The following CNTNAP4 variants were observed in gnomAD, a reference collection of about 807,000 sequenced individuals.
CNTNAP4 encodes the protein contactin associated protein family member 4, also known as contactin-associated protein-like 4.
A neutral mutation model predicts 148.4 loss-of-function variants in CNTNAP4; 98 were observed. The observed-to-expected ratio is 0.66, with a 90% CI of 0.56 to 0.78. The LOEUF is 0.78. Ranked by LOEUF, CNTNAP4 falls within the 30% of genes least tolerant of loss-of-function variation. The pLI is 0.00. For synonymous variants in CNTNAP4, 730 were observed against 565.1 expected, an observed-to-expected ratio of 1.29 and a Z score of -4.14; for missense variants, 1,935 against 1,565.6, an observed-to-expected ratio of 1.24 and a Z score of -3.98.
At chr16:76,402,025 A>G (rs1467636033) in intron 3 of CNTNAP4, among the ~76,000 whole-genome samples, 5 of 152,112 alleles carry the variant, frequency 3.3e-5, no homozygotes, top group African/African-American at 7.2e-5. Context: ...TATCTCTGCC[A>G]GGTTTTGGTA....
At chr16:76,418,365 G>T in intron 3 of CNTNAP4, among the ~76,000 whole-genome samples, 1 of 135,468 alleles carries the variant, frequency 7.4e-6, no homozygotes, top group South Asian at 2.3e-4. Flanking sequence ...GTCTATTACA[G>T]CTTGAGAAAT....
chr16:76,413,144 T>G (rs2144931644), intron 3 of CNTNAP4, among the ~76,000 whole-genome samples: 1 of 151,486 alleles, frequency 6.6e-6, no homozygotes, highest in East Asian at 1.9e-4. Flanking sequence ...CTTTAAAATG[T>G]ACAGTTATTA....
intron 1 of CNTNAP4, among the ~76,000 whole-genome samples, chr16:76,314,030 C>G (rs1054672477): frequency 1.3e-4 from 20 of 152,146 alleles, no homozygotes; most frequent in African/African-American, 4.8e-4. Flanking sequence ...TCATGATACA[C>G]ATGAGATTAT....
intron 4 of CNTNAP4, among the ~76,000 whole-genome samples, chr16:76,428,414 A>T (rs2079490109): frequency 7.7e-6 from 1 of 129,262 alleles, no homozygotes; most frequent in African/African-American, 2.5e-5. Flanking sequence ...TCAATTCACG[A>T]CATCGTTTTT....
chr16:76,347,223 C>G (rs190436400), intron 2 of CNTNAP4, among the ~76,000 whole-genome samples: 1 of 151,768 alleles, frequency 6.6e-6, no homozygotes, highest in African/African-American at 2.4e-5. Flanking sequence ...TACCGTGCAT[C>G]AAAGAACAGT....
intron 12 of CNTNAP4, among the ~76,000 whole-genome samples, chr16:76,484,989 T>G (rs989873463): frequency 2.0e-5 from 3 of 152,238 alleles, no homozygotes; most frequent in African/African-American, 7.2e-5. Context: ...CTATTTTGAA[T>G]GGATAATTTC....
rs541554588 is a variant in CNTNAP4, at chr16:76,396,666, G to C, written c.391-30786G>C. ...TAGTAAAACATCATCCTCACTCACAGCTGACAGTGGTCAGGAGCTGCTCCC... is the reference window on the plus strand; with the variant it reads ...TAGTAAAACATCATCCTCACTCACACCTGACAGTGGTCAGGAGCTGCTCCC... On this transcript the variant is annotated intron_variant, in intron 3 of 23. Transcript: ENST00000611870. Among the ~76,000 whole-genome samples the C allele has an allele frequency of 1.3e-4, 20 of 152,272 alleles. No individual in the cohort carries two copies. In the South Asian group the frequency reaches 4.1e-3, roughly 32 times the overall value.
At chr16:76,537,067 A>ACCAG (rs2084243284) in intron 18 of CNTNAP4, among the ~76,000 whole-genome samples, 1 of 152,204 alleles carries the variant, frequency 6.6e-6, no homozygotes, top group African/African-American at 2.4e-5. Flanking sequence ...GATCATAATC[A>ACCAG]TATACTGCTG....
chr16:76,357,543 G>T (rs1339703849), intron 3 of CNTNAP4, among the ~76,000 whole-genome samples: 1 of 152,140 alleles, frequency 6.6e-6, no homozygotes, highest in African/African-American at 2.4e-5. Context: ...TCTAGACTCT[G>T]CTGTAATTTG....
chr16:76,479,503 C>G lies in CNTNAP4; in HGVS notation c.1847C>G (p.Pro616Arg). The G allele has an allele frequency of 6.2e-7, 1 of 1,609,622 alleles. No homozygotes were observed. The highest frequency in any genetic ancestry group is 1.1e-5 in the South Asian group (1 of 89,976). ...TATATAGATTCAGATGGAAGTGGTC[C>G]CCTGGAACCATTTCTTCTATATTGC... Reference protein sequence around the residue: ...FYYIDSDGSGPLEPFLLYCNM... With the variant: ...FYYIDSDGSGRLEPFLLYCNM... The change falls in exon 12 of 24, where the codon CCC becomes CGC. Residue 616 changes from proline (P) to arginine (R), a missense_variant. Coordinates refer to ENST00000611870, the MANE Select transcript of CNTNAP4 (RefSeq NM_033401.5).
chr16:76,485,692 G>A (rs2082003403), intron 12 of CNTNAP4, among the ~76,000 whole-genome samples: 1 of 152,162 alleles, frequency 6.6e-6, no homozygotes, highest in Non-Finnish European at 1.5e-5. Flanking sequence ...AGGTGATTCT[G>A]AGATAGGAGC....
At chr16:76,406,245 T>A (rs538273851) in intron 3 of CNTNAP4, among the ~76,000 whole-genome samples, 1 of 152,176 alleles carries the variant, frequency 6.6e-6, no homozygotes, top group Non-Finnish European at 1.5e-5. Context: ...TGATGTTTGA[T>A]GTTACTATTG....
rs149543132 is a variant in CNTNAP4, at chr16:76,425,451, G to A, written c.391-2001G>A. On this transcript the variant is annotated intron_variant, in intron 3 of 23. Transcript: ENST00000611870. ...AGCTGAACAATGTTCTAGGTGTTACGGATGGAACACAATAAACCTCCCTGC... is the reference window on the plus strand; with the variant it reads ...AGCTGAACAATGTTCTAGGTGTTACAGATGGAACACAATAAACCTCCCTGC... Among the ~76,000 whole-genome samples the A allele has an allele frequency of 5.4e-3, 820 of 152,184 alleles. 12 individuals are homozygous for A. Among genetic ancestry groups the A allele is most frequent in the African/African-American group, 0.019 (792 of 41,518 alleles).
intron 21 of CNTNAP4, among the ~76,000 whole-genome samples, chr16:76,543,688 G>C (rs966163598): frequency 3.3e-5 from 5 of 152,156 alleles, no homozygotes; most frequent in Non-Finnish European, 5.9e-5. Context: ...GCCTCCAGAG[G>C]AGTCCCTTGT....
chr16:76,338,357 A>G (rs549208838), intron 2 of CNTNAP4, among the ~76,000 whole-genome samples: 3 of 152,082 alleles, frequency 2.0e-5, no homozygotes, highest in African/African-American at 4.8e-5. Context: ...CTTGATGACA[A>G]CTGCCCTCCT....
At chr16:76,292,235 G>T (rs28604279) in intron 1 of CNTNAP4, among the ~76,000 whole-genome samples, 45,658 of 152,012 alleles carry the variant, frequency 0.3, 7,717 homozygotes, top group Non-Finnish European at 0.39. Flanking sequence ...AAGGAGAAAT[G>T]TAACGTTACC....
chr16:76,401,130 G>C (rs542558426), intron 3 of CNTNAP4, among the ~76,000 whole-genome samples: 1 of 152,240 alleles, frequency 6.6e-6, no homozygotes, highest in South Asian at 2.1e-4. Context: ...GCTTTGGGCA[G>C]TACGGCCATT....
chr16:76,521,433 A>G, intron 16 of CNTNAP4, 123 bp downstream of exon 16: 1 of 710,506 alleles, frequency 1.4e-6, no homozygotes, highest in African/African-American at 1.8e-5. Context: ...CGCCCCTTTG[A>G]AAAACTCAAT....
At chr16:76,557,275 C>T (rs942795199) in intron 23 of CNTNAP4, 1 of 152,124 alleles carries the variant, frequency 6.6e-6, no homozygotes, top group African/African-American at 2.4e-5. Flanking sequence ...TTACTTCATT[C>T]ATTTTAGAGA....
Sources: gnomAD v4.1 joint callset for allele counts (sites outside exome capture counted in the v4.1 genomes callset) on GRCh38, gnomAD v4.1.1 for gene constraint, MANE v1.5 for transcripts, NCBI Gene and HGNC (gene_info 2026-07-23, HGNC 2026-07-21) for gene names.